NLGN1: variants seen among roughly 807,000 people sequenced by gnomAD.
NLGN1 encodes the protein neuroligin 1, also known as neuroligin-1.
In NLGN1, 12 loss-of-function variants were observed where a neutral mutation model predicts 65.5. That is an observed-to-expected ratio of 0.18 (90% CI 0.12 to 0.30). The LOEUF is 0.30. NLGN1 is among the 10% of genes least tolerant of loss of function. The pLI is 1.00. For missense variants in NLGN1, 750 were observed against 1,007.1 expected (o/e 0.74, Z 3.46); for synonymous variants, 350 against 359.5 (o/e 0.97, Z 0.30).
At chr3:173,773,819 A>G (rs537141603) in intron 3 of NLGN1, among the ~76,000 whole-genome samples, 1 of 152,336 alleles carries the variant, frequency 6.6e-6, no homozygotes, top group South Asian at 2.1e-4. Context: ...GAAGTAAACA[A>G]AACATGGTAA....
intron 4 of NLGN1, among the ~76,000 whole-genome samples, chr3:174,168,240 T>C (rs1727890921): frequency 6.6e-6 from 1 of 152,150 alleles, no homozygotes; most frequent in South Asian, 2.1e-4. Context: ...TTAGGGATCA[T>C]TGCCAGAGAG....
Position 174,025,583 on chromosome 3 carries a change from A to G in NLGN1, c.646+217751A>G, listed in dbSNP as rs544109803. On this transcript the variant is annotated intron_variant, in intron 4 of 6. Transcript: ENST00000457714. ...ATTAAGGATGCAGAAAGTTAAGCCC[A>G]AATGGATGACAAGCATATAATAAGA... 5.9e-5 allele frequency among the ~76,000 whole-genome samples: 9 copies of G among 152,332 alleles called. No individual in the cohort carries two copies. The East Asian group carries it at 1.5e-3, about 26-fold the overall frequency.
At chr3:173,793,108 T>C (rs546090375) in intron 3 of NLGN1, among the ~76,000 whole-genome samples, 10 of 152,262 alleles carry the variant, frequency 6.6e-5, no homozygotes, top group African/African-American at 2.2e-4. Context: ...ATTAAATCTT[T>C]TTTCTCTTTG....
chr3:173,482,490 T>C (rs894215999), intron 2 of NLGN1, among the ~76,000 whole-genome samples: 1 of 152,010 alleles, frequency 6.6e-6, no homozygotes, highest in Non-Finnish European at 1.5e-5. Flanking sequence ...CCTGGATAGA[T>C]TTTCCTGCTT....
intron 3 of NLGN1, among the ~76,000 whole-genome samples, chr3:173,789,235 G>A (rs1488686843): frequency 6.6e-6 from 1 of 151,310 alleles, no homozygotes; most frequent in African/African-American, 2.4e-5. Flanking sequence ...AAAGAAAGAA[G>A]GAAGGAAGGA....
intron 4 of NLGN1, among the ~76,000 whole-genome samples, chr3:174,122,196 T>C (rs1268790220): frequency 2.6e-5 from 4 of 152,186 alleles, no homozygotes; most frequent in Non-Finnish European, 5.9e-5. Flanking sequence ...CCATTTTCGA[T>C]CTCTGTAAAA....
At chr3:173,699,000 G>A (rs556282590) in intron 3 of NLGN1, among the ~76,000 whole-genome samples, 2 of 152,006 alleles carry the variant, frequency 1.3e-5, no homozygotes, top group Non-Finnish European at 1.5e-5. Context: ...GGGATTACAC[G>A]CATGCGCCAC....
chr3:173,487,750 T>A (rs570767275), intron 2 of NLGN1, among the ~76,000 whole-genome samples: 50 of 152,184 alleles, frequency 3.3e-4, no homozygotes, highest in Middle Eastern at 3.4e-3. Context: ...TTATGTGAAA[T>A]CAATGCAACT....
At chr3:174,235,244 T>C (rs919843088) in intron 4 of NLGN1, among the ~76,000 whole-genome samples, 1 of 152,050 alleles carries the variant, frequency 6.6e-6, no homozygotes. Flanking sequence ...TAAATAAGAA[T>C]TATCTACCTC....
At chr3:173,870,645 AT>A (rs1226594541) in intron 4 of NLGN1, among the ~76,000 whole-genome samples, 2 of 152,204 alleles carry the variant, frequency 1.3e-5, no homozygotes, top group African/African-American at 2.4e-5. Context: ...ATAATAGACT[AT>A]CATTCTCCTT....
downstream of NLGN1, among the ~76,000 whole-genome samples, chr3:174,286,983 C>A (rs573315535): frequency 6.6e-6 from 1 of 151,330 alleles, no homozygotes; most frequent in African/African-American, 2.4e-5. Flanking sequence ...CTTTTTGCAT[C>A]CAAATAGTGC....
intron 4 of NLGN1, among the ~76,000 whole-genome samples, chr3:173,987,977 A>C (rs1238658855): frequency 6.6e-6 from 1 of 152,108 alleles, no homozygotes; most frequent in African/African-American, 2.4e-5. Context: ...GTAGTTTGGT[A>C]CTCTGATCAT....
In NLGN1 at chr3:173,800,750, A is replaced by G. The variant is rs529367195; in HGVS notation, c.494-6930A>G. 7.2e-5 allele frequency among the ~76,000 whole-genome samples: 11 copies of G among 152,050 alleles called. No homozygotes were observed. The South Asian group carries it at 2.3e-3, about 31-fold the overall frequency. On this transcript the variant is annotated intron_variant, in intron 3 of 6. Coordinates refer to ENST00000457714, the Ensembl canonical transcript of NLGN1. ...TGTAAATATTTTCCCGAATATTAAA[A>G]TGTGCTTCATTTTTACATTCGACAT...
intron 4 of NLGN1, among the ~76,000 whole-genome samples, chr3:174,207,269 G>A (rs1366828722): frequency 1.3e-5 from 2 of 150,898 alleles, no homozygotes; most frequent in African/African-American, 4.9e-5. Context: ...TAACATGCTT[G>A]GCTGGTGTAC....
chr3:174,134,112 TACCC>T (rs929848836), intron 4 of NLGN1, among the ~76,000 whole-genome samples: 1 of 152,088 alleles, frequency 6.6e-6, no homozygotes, highest in African/African-American at 2.4e-5. Flanking sequence ...TATTTTATTG[TACCC>T]ACAAAACGAA....
chr3:173,866,434 A>G (rs1024116530), intron 4 of NLGN1, among the ~76,000 whole-genome samples: 3 of 152,222 alleles, frequency 2.0e-5, no homozygotes, highest in African/African-American at 7.2e-5. Context: ...AAACTAATGT[A>G]TGTCTCTCTG....
At chr3:173,612,941 G>A (rs1489453389) in intron 3 of NLGN1, among the ~76,000 whole-genome samples, 1 of 152,054 alleles carries the variant, frequency 6.6e-6, no homozygotes, top group Non-Finnish European at 1.5e-5. Context: ...GTATATGTCT[G>A]TGTTCCAATG....
At chr3:173,544,647 A>T (rs1739461640) in intron 2 of NLGN1, among the ~76,000 whole-genome samples, 1 of 152,300 alleles carries the variant, frequency 6.6e-6, no homozygotes, top group South Asian at 2.1e-4. Context: ...ATGAAAAGAA[A>T]GACCATTATA....
chr3:173,994,420 G>A (rs1302155114), intron 4 of NLGN1, among the ~76,000 whole-genome samples: 3 of 115,798 alleles, frequency 2.6e-5, no homozygotes, highest in African/African-American at 1.0e-4. Flanking sequence ...TTCTCAGTGA[G>A]ATTTTCTTTT....
Sources: allele counts gnomAD v4.1 joint callset (sites outside exome capture counted in the v4.1 genomes callset), GRCh38; gene constraint gnomAD v4.1.1; transcripts MANE v1.5; gene names NCBI Gene and HGNC (gene_info 2026-07-23, HGNC 2026-07-21).